LGI2: variants seen among roughly 807,000 people sequenced by gnomAD.
LGI2 encodes leucine rich repeat LGI family member 2.
LGI2 carries 30 observed loss-of-function variants against 52.0 expected under a neutral mutation model. That is an observed-to-expected ratio of 0.58 (90% CI 0.43 to 0.78). The LOEUF is 0.78. Ranked by LOEUF, LGI2 falls within the 30% of genes least tolerant of loss-of-function variation. The pLI is 0.00. For missense variants in LGI2, 573 were observed against 692.5 expected (o/e 0.83, Z 1.94); for synonymous variants, 270 against 271.8 (o/e 0.99, Z 0.06).
At chr4:24,993,823 A>C in the LGI2 span, among the ~76,000 whole-genome samples, 1 of 152,258 alleles carries the variant, frequency 6.6e-6, no homozygotes, top group Non-Finnish European at 1.5e-5. Context: ...ATTGCGACAG[A>C]AAATGCAAAT....
intron 6 of LGI2, among the ~76,000 whole-genome samples, chr4:25,013,739 C>T (rs1273725164): frequency 1.3e-5 from 2 of 152,182 alleles, no homozygotes; most frequent in Non-Finnish European, 2.9e-5. Flanking sequence ...CAGTAGTTGA[C>T]ATATGCAACA....
chr4:25,018,224 G>T, intron 5 of LGI2, 66 bp from the exon 6 acceptor site: 1 of 1,200,846 alleles, frequency 8.3e-7, no homozygotes, highest in Non-Finnish European at 1.1e-6. Flanking sequence ...TGTTTTGGTA[G>T]TAACACGAAA....
chr4:25,005,004 T>G (rs934699258), intron 7 of LGI2, among the ~76,000 whole-genome samples: 5 of 152,308 alleles, frequency 3.3e-5, no homozygotes, highest in Admixed American at 6.5e-5. Flanking sequence ...GGATGGACTT[T>G]GAGGGCATTA....
chr4:25,005,064 C>T (rs1725357861), intron 7 of LGI2, among the ~76,000 whole-genome samples: 1 of 152,122 alleles, frequency 6.6e-6, no homozygotes, highest in Non-Finnish European at 1.5e-5. Flanking sequence ...TATGATTCCA[C>T]TTATATGAGG....
At chr4:25,021,761 C>T (rs34192260) in intron 4 of LGI2, among the ~76,000 whole-genome samples, 25,523 of 151,772 alleles carry the variant, frequency 0.17, 2,332 homozygotes, top group South Asian at 0.4. Flanking sequence ...GAAACGCTGT[C>T]TCTACTAAAA....
At chr4:24,992,503 C>T in the LGI2 span, among the ~76,000 whole-genome samples, 6 of 151,690 alleles carry the variant, frequency 4.0e-5, no homozygotes, top group Admixed American at 3.9e-4. Flanking sequence ...TGCCTGAGGT[C>T]AGGAGTTTGA....
intron 1 of LGI2, among the ~76,000 whole-genome samples, chr4:25,030,151 G>A (rs932761249): frequency 6.6e-5 from 10 of 152,102 alleles, no homozygotes; most frequent in African/African-American, 2.4e-4. Context: ...AGTCTCCCGG[G>A]GACGTCAAAC....
chr4:25,012,256 A>G, intron 7 of LGI2, 79 bp downstream of exon 7: 1 of 1,502,352 alleles, frequency 6.7e-7, no homozygotes, highest in Non-Finnish European at 9.2e-7. Context: ...CTCCCTCAAT[A>G]CAGAGGACAT....
chr4:25,019,553 C>A (rs924497771), intron 4 of LGI2, among the ~76,000 whole-genome samples: 9 of 152,262 alleles, frequency 5.9e-5, no homozygotes, highest in African/African-American at 2.2e-4. Flanking sequence ...TGCCTGGCTA[C>A]CTCCACTCTT....
chr4:25,025,942 A>G (rs1478236022), intron 3 of LGI2, among the ~76,000 whole-genome samples: 1 of 152,206 alleles, frequency 6.6e-6, no homozygotes, highest in Admixed American at 6.5e-5. Flanking sequence ...GATAGACCTT[A>G]GTCAGATTTA....
At chr4:24,997,351 T>C (rs1725109676), downstream of LGI2, among the ~76,000 whole-genome samples, 1 of 152,222 alleles carries the variant, frequency 6.6e-6, no homozygotes, top group South Asian at 2.1e-4. Flanking sequence ...TAGAGCACTT[T>C]AGTTCCAAGA....
downstream of LGI2, among the ~76,000 whole-genome samples, chr4:24,997,032 C>T (rs1725102189): frequency 6.6e-6 from 1 of 152,124 alleles, no homozygotes; most frequent in Admixed American, 6.5e-5. Flanking sequence ...GGGAGAAACT[C>T]ACATTCCACA....
At chr4:25,016,771 G>A (rs562777949) in intron 6 of LGI2, among the ~76,000 whole-genome samples, 2 of 152,184 alleles carry the variant, frequency 1.3e-5, no homozygotes, top group Admixed American at 6.5e-5. Context: ...TTTGTTCTTG[G>A]AGTTTTGGTG....
intron 1 of LGI2, 134 bp from the exon 2 acceptor site, chr4:25,028,712 A>C: frequency 1.4e-6 from 1 of 707,736 alleles, no homozygotes; most frequent in Admixed American, 2.3e-5. Flanking sequence ...ACAGTTGCCC[A>C]GGATCTTCCC....
intron 2 of LGI2, among the ~76,000 whole-genome samples, chr4:25,027,952 G>A (rs1320495304): frequency 1.3e-5 from 2 of 152,216 alleles, no homozygotes; most frequent in Admixed American, 6.5e-5. Context: ...CCCTGGACTA[G>A]AATCTGGCTC....
rs1726320064 is a variant in LGI2, at chr4:25,030,791, G to A, written c.-98C>T. On this transcript the variant is annotated 5_prime_UTR_variant, in exon 1 of 8. Transcript: ENST00000382114. ...AGACGCGGGCGCCGCTCGCTGCTCT[G>A]CCGCCGCCGCTGCTGGCGAGGACTA... 8.1e-6 allele frequency: 5 copies of A among 620,654 alleles called. No individual in the cohort carries two copies. The highest frequency in any genetic ancestry group is 8.1e-6 in the Non-Finnish European group (4 of 491,834). 38.4% of individuals were successfully genotyped at this position (620,654 alleles called of 1,614,324 possible). A position where few individuals can be genotyped will look rare whatever the true frequency, so the allele number is the denominator to read the frequency against.
downstream of LGI2, among the ~76,000 whole-genome samples, chr4:24,995,875 C>T (rs145072225): frequency 2.2e-4 from 34 of 152,292 alleles, no homozygotes; most frequent in East Asian, 5.6e-3. Context: ...ATTGTTGGAA[C>T]ATTTAGAGCT....
chr4:25,010,735 T>C lies in LGI2; in HGVS notation c.820+1600A>G, dbSNP rs184155118. ...GTTATGAGCTTCCAATGGGATAAAC[T>C]AGGCCCTGGTGCCTCACAGGCTCAC... On this transcript the variant is annotated intron_variant, in intron 7 of 7. Coordinates refer to ENST00000382114, the MANE Select transcript of LGI2 (RefSeq NM_018176.4). Among the ~76,000 whole-genome samples, 26 of 152,324 alleles carry C rather than the reference T, an allele frequency of 1.7e-4. No individual in the cohort carries two copies. In the East Asian group the frequency reaches 5.0e-3, roughly 29 times the overall value.
At chr4:24,997,555 C>A (rs192308579), downstream of LGI2, among the ~76,000 whole-genome samples, 4 of 152,304 alleles carry the variant, frequency 2.6e-5, no homozygotes, top group East Asian at 5.8e-4. Context: ...CCTGACATAA[C>A]CTTTCCTCAT....
Sources: allele counts gnomAD v4.1 joint callset (sites outside exome capture counted in the v4.1 genomes callset), GRCh38; gene constraint gnomAD v4.1.1; transcripts MANE v1.5; gene names NCBI Gene and HGNC (gene_info 2026-07-23, HGNC 2026-07-21).